PCDH19: variants seen among roughly 807,000 people sequenced by gnomAD.
The protein encoded by PCDH19 is protocadherin 19.
PCDH19 carries 6 observed loss-of-function variants against 46.2 expected under a neutral mutation model. The ratio of observed to expected loss-of-function variants is 0.13; its 90% CI spans 0.07 to 0.26. The LOEUF is 0.26. PCDH19 is among the 10% of genes least tolerant of loss of function. The pLI is 1.00. For missense variants in PCDH19, 740 were observed against 972.3 expected (o/e 0.76, Z 3.18); for synonymous variants, 481 against 415.7 (o/e 1.16, Z -1.91).
chrX:100,356,565 A>G (rs1926721875), intron 3 of PCDH19, among the ~76,000 whole-genome samples: 1 of 111,815 alleles, frequency 8.9e-6, no homozygotes, highest in Non-Finnish European at 1.9e-5. Flanking sequence ...GCTAGAATGT[A>G]TATTCAAAGA....
intron 3 of PCDH19, among the ~76,000 whole-genome samples, chrX:100,381,109 C>T (rs1445620927): frequency 2.7e-5 from 3 of 111,916 alleles, no homozygotes; most frequent in Non-Finnish European, 1.9e-5. Flanking sequence ...AAGCATTTTA[C>T]AAAACTGTAC....
chrX:100,337,847 T>TACTA (rs1247196068), intron 5 of PCDH19, among the ~76,000 whole-genome samples: 50 of 112,234 alleles, frequency 4.5e-4, no homozygotes, highest in African/African-American at 1.6e-3. Flanking sequence ...TTGCTGGATA[T>TACTA]ACTAACCACC....
At chrX:100,339,932 T>A (rs1321767650) in intron 5 of PCDH19, among the ~76,000 whole-genome samples, 2 of 111,922 alleles carry the variant, frequency 1.8e-5, no homozygotes, top group Admixed American at 9.5e-5. Context: ...TGTATGCATG[T>A]GTGTGTGTGT....
chrX:100,334,577 C>T (rs1926023993), intron 5 of PCDH19, among the ~76,000 whole-genome samples: 1 of 110,739 alleles, frequency 9.0e-6, no homozygotes, highest in Admixed American at 9.7e-5. Context: ...AAGGAGGAGC[C>T]AGACCCTGGC....
At position 100,355,670 on chromosome X, in the gene PCDH19, G is replaced by A. The variant is rs773355024; in HGVS notation, c.2617-4966C>T. ...ACCTTTGTGCAATGTTTTGATTTTC[G>A]TTGTTTGTTTCTGTGTTTGTTTGTT... is the stretch of plus-strand genomic sequence containing the variant. On this transcript the variant is annotated intron_variant, in intron 3 of 5. Transcript: ENST00000373034. Among the ~76,000 whole-genome samples, 16 of 111,529 alleles carry A rather than the reference G, an allele frequency of 1.4e-4. 1 individual carries two copies. The South Asian group carries it at 3.0e-3, about 21-fold the overall frequency.
intron 3 of PCDH19, among the ~76,000 whole-genome samples, chrX:100,392,187 C>T (rs771725502): frequency 8.9e-6 from 1 of 112,235 alleles, no homozygotes; most frequent in Non-Finnish European, 1.9e-5. Flanking sequence ...CTCCATCAGG[C>T]CACTACATAA....
intron 5 of PCDH19, among the ~76,000 whole-genome samples, chrX:100,318,065 C>A (rs1318566661): frequency 8.9e-6 from 1 of 112,022 alleles, no homozygotes; most frequent in Non-Finnish European, 1.9e-5. Flanking sequence ...TACTACCCAG[C>A]AGCACATCTG....
At chrX:100,405,378 T>C (rs1443105311) in intron 1 of PCDH19, among the ~76,000 whole-genome samples, 1 of 112,085 alleles carries the variant, frequency 8.9e-6, no homozygotes, top group African/African-American at 3.2e-5. Flanking sequence ...GGAAAAAAAA[T>C]GTCATGTATT....
In PCDH19 at chrX:100,407,712, C is replaced by T. The variant is rs373336253; in HGVS notation, c.886G>A (p.Gly296Ser). ...RELFQIDPHS[G>S]LVTVTGALDY... The stretch of plus-strand genomic sequence containing the variant: ...AAAGCGCCAGTGACAGTGACCAGGC[C>T]ACTGTGCGGGTCGATCTGAAAGAGC... Residue 296 changes from glycine to serine, a missense_variant, in exon 1 of 6, where the codon GGC (glycine) becomes AGC (serine). By Grantham distance (56) the Gly-to-Ser change is moderately conservative (BLOSUM62 0). Transcript: ENST00000373034. The T allele has an allele frequency of 7.4e-6, 9 of 1,211,203 alleles. No homozygotes were observed. The highest frequency in any genetic ancestry group is 1.7e-5 in the African/African-American group (1 of 57,496).
chrX:100,362,908 A>G (rs1412107583), intron 3 of PCDH19, among the ~76,000 whole-genome samples: 1 of 111,756 alleles, frequency 8.9e-6, no homozygotes, highest in East Asian at 2.8e-4. Flanking sequence ...AAAGCCTCCA[A>G]TCACAGAGCC....
chrX:100,373,430 G>T (rs185988478), intron 3 of PCDH19, among the ~76,000 whole-genome samples: 1 of 112,977 alleles, frequency 8.9e-6, no homozygotes, highest in African/African-American at 3.2e-5. Context: ...TTGGGGAAAA[G>T]AATCAGCTTC....
intron 5 of PCDH19, among the ~76,000 whole-genome samples, chrX:100,303,014 C>A (rs183918537): frequency 9.9e-5 from 11 of 111,474 alleles, no homozygotes; most frequent in Non-Finnish European, 1.7e-4. Context: ...AACTATGTAG[C>A]TTTGTCAGAG....
chrX:100,341,543 G>A (rs748115651), intron 5 of PCDH19, among the ~76,000 whole-genome samples: 2 of 112,132 alleles, frequency 1.8e-5, no homozygotes, highest in Non-Finnish European at 1.9e-5. Flanking sequence ...TATGCAATTC[G>A]ATTGATCAGC....
intron 3 of PCDH19, among the ~76,000 whole-genome samples, chrX:100,358,816 A>G (rs1401864076): frequency 8.9e-6 from 1 of 112,310 alleles, no homozygotes; most frequent in Non-Finnish European, 1.9e-5. Context: ...TATGAGTAAG[A>G]GTACCTCAAG....
intron 5 of PCDH19, among the ~76,000 whole-genome samples, chrX:100,313,590 C>T (rs998819990): frequency 2.7e-5 from 3 of 111,761 alleles, no homozygotes; most frequent in Admixed American, 9.5e-5. Context: ...AGTTAGTGAA[C>T]AGCAAATAAT....
chrX:100,395,367 A>C (rs1336853611), intron 3 of PCDH19, among the ~76,000 whole-genome samples: 1 of 112,287 alleles, frequency 8.9e-6, no homozygotes, highest in Admixed American at 9.4e-5. Context: ...TTACAAAACA[A>C]ACACCCTTTG....
intron 3 of PCDH19, among the ~76,000 whole-genome samples, chrX:100,357,886 T>C (rs774012169): frequency 8.9e-6 from 1 of 112,054 alleles, no homozygotes; most frequent in South Asian, 3.7e-4. Flanking sequence ...ATATAATGCA[T>C]CAATGAATGA....
rs1301253352 is a variant in PCDH19, at chrX:100,406,875, C to T, written c.1723G>A (p.Val575Ile). 4.1e-6 allele frequency: 5 copies of T among 1,210,853 alleles called. No homozygotes were observed. Among genetic ancestry groups the T allele is most frequent in the Non-Finnish European group, 5.6e-6 (5 of 895,216 alleles). The change falls in exon 1 of 6, where the codon GTC (valine) becomes ATC (isoleucine). Residue 575 changes from valine to isoleucine, a missense_variant. Around this residue, in one of 5 missense-constraint regions of PCDH19, gnomAD observed 416 missense variants for 476.8 expected, o/e 0.87. Coordinates refer to ENST00000373034, the MANE Select transcript of PCDH19 (RefSeq NM_001184880.2). ...ATGCCAGAGTTGCGGGGTATGTAGA[C>T]CTCGGCAGTGCCGTTAATCAGAGGT... is the stretch of plus-strand genomic sequence containing the variant. ...APPLINGTAE[V>I]YIPRNSGIGY...
At chrX:100,341,807 A>C in intron 5 of PCDH19, 96 bp downstream of exon 5, 2 of 772,712 alleles carry the variant, frequency 2.6e-6, no homozygotes, top group Non-Finnish European at 2.0e-6. Context: ...AGACACCTTG[A>C]TAATACACTC....
Sources: gnomAD v4.1 joint callset for allele counts (sites outside exome capture counted in the v4.1 genomes callset) on GRCh38, gnomAD v4.1.1 for gene constraint, gnomAD v4.1.1 regional missense constraint, MANE v1.5 for transcripts, NCBI Gene and HGNC (gene_info 2026-07-23, HGNC 2026-07-21) for gene names.